Variants in SND1 observed in about 807,000 individuals in gnomAD.
SND1 encodes the protein staphylococcal nuclease and tudor domain containing 1.
In SND1, 38 loss-of-function variants were observed where a neutral mutation model predicts 121.7. That is an observed-to-expected ratio of 0.31 (90% CI 0.24 to 0.41). The LOEUF (loss-of-function observed/expected upper bound fraction) is 0.41. SND1 is among the 10% of genes least tolerant of loss of function. The pLI, the probability that SND1 is intolerant of heterozygous loss-of-function variation, is 1.00. For missense variants in SND1, 868 were observed against 1,184.6 expected, an observed-to-expected ratio of 0.73 and a Z score of 3.92; for synonymous variants, 401 against 447.4, an observed-to-expected ratio of 0.90 and a Z score of 1.31.
At chr7:127,687,006 G>A (rs1795825009) in intron 2 of SND1, 8 of 379,268 alleles carry the variant, frequency 2.1e-5, no homozygotes, top group Admixed American at 9.1e-5. Flanking sequence ...TAGATTTGTT[G>A]TGTTTTCACT....
intron 16 of SND1, chr7:128,028,711 T>G: frequency 6.2e-7 from 1 of 1,613,842 alleles, no homozygotes; most frequent in South Asian, 1.1e-5. Flanking sequence ...TTGTCCTTGG[T>G]ATGGGTCTGA....
chr7:127,922,199 T>TTGTTTTTTTTTTTTTTG (rs1800732357), intron 14 of SND1, among the ~76,000 whole-genome samples: 2 of 93,500 alleles, frequency 2.1e-5, no homozygotes, highest in Admixed American at 2.3e-4. Context: ...TTTTTTTTTT[T>TTGTTTTTTTTTTTTTTG]TTTTGTTTTG....
intron 9 of SND1, among the ~76,000 whole-genome samples, chr7:127,719,892 A>G (rs372703967): frequency 2.0e-4 from 31 of 152,188 alleles, no homozygotes; most frequent in African/African-American, 7.5e-4. Flanking sequence ...GTTTGATGGC[A>G]CTTAACTCCT....
intron 12 of SND1, among the ~76,000 whole-genome samples, chr7:127,866,044 A>G (rs1358688825): frequency 1.3e-5 from 2 of 152,046 alleles, no homozygotes; most frequent in East Asian, 3.9e-4. Flanking sequence ...GTGCCCAAGA[A>G]TCACCTGTGT....
At chr7:127,714,764 T>C (rs9649027) in intron 9 of SND1, among the ~76,000 whole-genome samples, 32,193 of 152,224 alleles carry the variant, frequency 0.21, 3,992 homozygotes, top group Middle Eastern at 0.32. Context: ...TTTGTGACTG[T>C]CTTATTTCAT....
In SND1 at chr7:128,089,599, G is replaced by C. The variant is rs369876205; in HGVS notation, c.2529G>C (p.Gln843His). 3 of 1,614,104 alleles carry C rather than the reference G, an allele frequency of 1.9e-6. No individual in the cohort carries two copies. The highest frequency in any genetic ancestry group is 2.5e-6 in the Non-Finnish European group (3 of 1,180,052). Residue 843 changes from glutamine to histidine, a missense_variant, in exon 22 of 24, where the codon CAG becomes CAC. This residue lies in a region of SND1 where 743 missense variants were observed against 1,071.3 expected (regional missense o/e 0.69). Coordinates refer to ENST00000354725, the MANE Select transcript of SND1 (RefSeq NM_014390.4). Reference protein sequence around the residue: ...LSAGCPHVTLQFADSKGDVGL... With the variant: ...LSAGCPHVTLHFADSKGDVGL... ...CCGGCTGCCCCCATGTCACCCTGCAGTTTGCAGATTCCAAGGGCGATGTGG... is the reference window on the plus strand; with the variant it reads ...CCGGCTGCCCCCATGTCACCCTGCACTTTGCAGATTCCAAGGGCGATGTGG...
chr7:128,053,031 T>C (rs920673034), intron 16 of SND1, among the ~76,000 whole-genome samples: 2 of 152,232 alleles, frequency 1.3e-5, no homozygotes, highest in Non-Finnish European at 2.9e-5. Context: ...TGCTTACATA[T>C]ATTGAATAGG....
intron 10 of SND1, among the ~76,000 whole-genome samples, chr7:127,753,557 C>A (rs539486193): frequency 1.1e-4 from 16 of 152,106 alleles, no homozygotes; most frequent in African/African-American, 3.9e-4. Context: ...GGTTACATAA[C>A]GCAACTGAGA....
rs931463455 is a variant in SND1, at chr7:128,021,633, G to T, written c.1779+30577G>T. Among the ~76,000 whole-genome samples, 2 of 152,176 alleles carry T rather than the reference G, an allele frequency of 1.3e-5. 1 individual carries two copies. Among genetic ancestry groups the T allele is most frequent in the South Asian group, 4.1e-4 (2 of 4,828 alleles). On this transcript the variant is annotated intron_variant, in intron 16 of 23. Transcript: ENST00000354725. Reference sequence around the variant, plus strand: ...CATTGAGCAGGTAGTAACTTATCTAGTGACTAAATCAGCACCAGCTTAGAG... The same window carrying T: ...CATTGAGCAGGTAGTAACTTATCTATTGACTAAATCAGCACCAGCTTAGAG...
intron 16 of SND1, 68 bp downstream of exon 16, chr7:127,991,124 T>C: frequency 1.8e-6 from 2 of 1,087,778 alleles, no homozygotes; most frequent in Non-Finnish European, 2.8e-6. Flanking sequence ...TGGTCTGCCA[T>C]GTCAGAGATC....
At chr7:128,032,548 C>G (rs1223890840) in intron 16 of SND1, among the ~76,000 whole-genome samples, 1 of 151,970 alleles carries the variant, frequency 6.6e-6, no homozygotes, top group East Asian at 1.9e-4. Context: ...CCCTCCGGCC[C>G]GCACCCGGGG....
At chr7:127,950,880 A>G (rs914078218) in intron 15 of SND1, among the ~76,000 whole-genome samples, 1 of 152,092 alleles carries the variant, frequency 6.6e-6, no homozygotes, top group Non-Finnish European at 1.5e-5. Flanking sequence ...CCAATTTATT[A>G]TTTTTTTTAA....
At chr7:127,749,330 T>C (rs892292888) in intron 10 of SND1, among the ~76,000 whole-genome samples, 5 of 152,194 alleles carry the variant, frequency 3.3e-5, no homozygotes, top group African/African-American at 1.2e-4. Context: ...CTTACGAAGA[T>C]AGGCCTGGAA....
chr7:127,971,832 G>C (rs539979006), intron 15 of SND1, among the ~76,000 whole-genome samples: 1 of 150,644 alleles, frequency 6.6e-6, no homozygotes, highest in Non-Finnish European at 1.5e-5. Context: ...GAGTGCAGTG[G>C]TGCGATCTCA....
intron 15 of SND1, among the ~76,000 whole-genome samples, chr7:127,934,373 G>T (rs1276553606): frequency 2.0e-5 from 3 of 152,184 alleles, no homozygotes; most frequent in African/African-American, 7.2e-5. Flanking sequence ...AGATTATGCA[G>T]TGGACCCTCA....
intron 14 of SND1, among the ~76,000 whole-genome samples, chr7:127,916,316 A>G (rs532912357): frequency 6.6e-6 from 1 of 152,290 alleles, no homozygotes; most frequent in Non-Finnish European, 1.5e-5. Context: ...AGTGAAATCA[A>G]GTGTCATGCA....
chr7:127,972,118 C>T (rs775994593), intron 15 of SND1, among the ~76,000 whole-genome samples: 48 of 152,170 alleles, frequency 3.2e-4, no homozygotes, highest in Non-Finnish European at 6.0e-4. Flanking sequence ...CAAGTAAACA[C>T]CATACATGAA....
At chr7:127,804,585 A>T (rs1798197544) in intron 10 of SND1, among the ~76,000 whole-genome samples, 1 of 152,116 alleles carries the variant, frequency 6.6e-6, no homozygotes, top group Non-Finnish European at 1.5e-5. Context: ...GCCAACTGAC[A>T]TTCCTTTCTA....
intron 7 of SND1, 40 bp from the exon 8 acceptor site, chr7:127,704,799 G>A (rs748809337): frequency 2.0e-6 from 3 of 1,490,712 alleles, no homozygotes; most frequent in Non-Finnish European, 2.8e-6. Context: ...TTACAACAGA[G>A]TCTAATCCGT....
Sources: gnomAD v4.1 joint callset for allele counts (sites outside exome capture counted in the v4.1 genomes callset) on GRCh38, gnomAD v4.1.1 for gene constraint, gnomAD v4.1.1 regional missense constraint, MANE v1.5 for transcripts, NCBI Gene and HGNC (gene_info 2026-07-23, HGNC 2026-07-21) for gene names.